CENPQ: variants seen among roughly 807,000 people sequenced by gnomAD.
CENPQ encodes the protein centromere protein Q.
In CENPQ, 27 loss-of-function variants were observed where a neutral mutation model predicts 36.6. The ratio of observed to expected loss-of-function variants is 0.74; its 90% CI spans 0.54 to 1.02. The LOEUF (loss-of-function observed/expected upper bound fraction) is 1.02. CENPQ is among the 50% of genes least tolerant of loss of function. The pLI, the probability that CENPQ is intolerant of heterozygous loss-of-function variation, is 0.00. For synonymous variants in CENPQ, 101 were observed against 101.7 expected (o/e 0.99, Z 0.04); for missense variants, 306 against 301.8 (o/e 1.01, Z -0.10).
chr6:49,477,970 G>T (rs1266074234), intron 5 of CENPQ, among the ~76,000 whole-genome samples: 3 of 152,176 alleles, frequency 2.0e-5, no homozygotes, highest in African/African-American at 7.2e-5. Flanking sequence ...TGTTCATAGT[G>T]ATCACCTTGG....
Position 49,492,667 on chromosome 6 carries a change from C to G in CENPQ, c.*392C>G. The G allele has an allele frequency of 6.5e-6, 1 of 153,326 alleles. No individual in the cohort carries two copies. Among genetic ancestry groups the G allele is most frequent in the Non-Finnish European group, 1.5e-5 (1 of 68,896 alleles). The allele number at this position is 153,326 out of a possible 1,614,324, so 9.5% of individuals were successfully genotyped here. A position where few individuals can be genotyped will look rare whatever the true frequency, so the allele number is the denominator to read the frequency against. ...TAGTGCATAAAAACCTTAGTGTTTG[C>G]TATCATTCATTCTGTAGCCAATGGC... On this transcript the variant is annotated 3_prime_UTR_variant, in exon 9 of 9. Transcript: ENST00000335783.
chr6:49,471,143 C>A, intron 3 of CENPQ, 115 bp downstream of exon 3: 1 of 535,046 alleles, frequency 1.9e-6, no homozygotes, highest in Non-Finnish European at 3.0e-6. Flanking sequence ...TAATAAACAA[C>A]TACATTTGCA....
intron 8 of CENPQ, among the ~76,000 whole-genome samples, chr6:49,490,587 C>T (rs770656203): frequency 2.0e-5 from 3 of 152,164 alleles, no homozygotes; most frequent in South Asian, 2.1e-4. Context: ...ACAACTTGGG[C>T]GTTTGGCACA....
rs1440264033 is a variant in CENPQ, at chr6:49,492,177, G to T, written c.709G>T (p.Ala237Ser). The T allele has an allele frequency of 6.2e-7, 1 of 1,605,234 alleles. No individual in the cohort carries two copies. The highest frequency in any genetic ancestry group is 1.7e-5 in the Admixed American group (1 of 58,430). The change falls in exon 9 of 9, where the codon GCT (alanine) becomes TCT (serine). Residue 237 changes from alanine (A) to serine (S), a missense_variant. By Grantham distance (99) the Ala-to-Ser change is moderately conservative (BLOSUM62 1). Transcript: ENST00000335783. ...EILALIPNQN[A>S]LLKDLDILHN... The stretch of plus-strand genomic sequence containing the variant: ...TTTGGCGCTAATTCCAAACCAGAAT[G>T]CTCTTCTAAAGGACTTGGATATTCT...
chr6:49,481,011 T>A lies in CENPQ; in HGVS notation c.408T>A (p.Asn136Lys). The A allele has an allele frequency of 6.2e-7, 1 of 1,610,358 alleles. No individual in the cohort carries two copies. Among genetic ancestry groups the A allele is most frequent in the East Asian group, 2.2e-5 (1 of 44,752 alleles). Residue 136 changes from asparagine to lysine, a missense_variant, in exon 6 of 9, where the codon AAT (asparagine) becomes AAA (lysine). By Grantham distance (94) the Asn-to-Lys change is moderately conservative (BLOSUM62 0). Transcript: ENST00000335783. ...VPPKKMEDLT[N>K]VSSLLNMERA... The stretch of plus-strand genomic sequence containing the variant: ...CCAAAAAGATGGAAGATTTAACTAA[T>A]GTATCAAGTCTACTGAATATGGAAA...
intron 1 of CENPQ, 55 bp from the exon 2 acceptor site, chr6:49,470,104 G>C: frequency 5.2e-6 from 4 of 772,218 alleles, no homozygotes; most frequent in Non-Finnish European, 8.3e-6. Context: ...ATTGTGCAAG[G>C]CTTTAGCTTT....
At chr6:49,468,907 C>T (rs1768065996) in intron 1 of CENPQ, among the ~76,000 whole-genome samples, 1 of 152,150 alleles carries the variant, frequency 6.6e-6, no homozygotes, top group Admixed American at 6.5e-5. Flanking sequence ...GAAATTCTGT[C>T]ATGTGGATGG....
intron 5 of CENPQ, among the ~76,000 whole-genome samples, chr6:49,480,625 G>A (rs1019772165): frequency 1.3e-5 from 2 of 150,692 alleles, no homozygotes; most frequent in Admixed American, 1.3e-4. Flanking sequence ...CTCATGTAGT[G>A]TAATAGTCTA....
chr6:49,474,507 C>T (rs1373231159), intron 5 of CENPQ, among the ~76,000 whole-genome samples: 2 of 152,116 alleles, frequency 1.3e-5, no homozygotes, highest in Admixed American at 6.5e-5. Flanking sequence ...CTCTGCGACA[C>T]ATTTAAAGCA....
Position 49,488,422 on chromosome 6 carries a change from T to C in CENPQ, c.548T>C (p.Ile183Thr), listed in dbSNP as rs1400919801. 1.9e-6 allele frequency: 3 copies of C among 1,613,100 alleles called. No individual in the cohort carries two copies. The East Asian group carries it at 6.7e-5, about 36-fold the overall frequency. The change falls in exon 7 of 9, where the codon ATT (isoleucine) becomes ACT (threonine). Residue 183 changes from isoleucine (I) to threonine (T), a missense_variant. By Grantham distance (89) the Ile-to-Thr change is moderately conservative (BLOSUM62 -1). Coordinates refer to ENST00000335783, the MANE Select transcript of CENPQ (RefSeq NM_018132.4). ...AATATTCAGAGCCTAAAGAACAAAA[T>C]TCAGATTCTGGCAAGTGAGGTGGAA... Reference protein sequence around the residue: ...TGNIQSLKNKIQILASEVEEE... With the variant: ...TGNIQSLKNKTQILASEVEEE...
At chr6:49,469,504 AT>A (rs1768077223) in intron 1 of CENPQ, among the ~76,000 whole-genome samples, 1 of 152,262 alleles carries the variant, frequency 6.6e-6, no homozygotes, top group South Asian at 2.1e-4. Context: ...ATTACTCTAA[AT>A]TTTATCAACA....
chr6:49,488,352 G>A lies in CENPQ; in HGVS notation c.478G>A (p.Glu160Lys). 6.3e-7 allele frequency: 1 copy of A among 1,593,140 alleles called. No individual in the cohort carries two copies. The highest frequency in any genetic ancestry group is 1.2e-5 in the South Asian group (1 of 86,796). The stretch of plus-strand genomic sequence containing the variant: ...TGTTTTTTTTCTCTTTCTGACTCAG[G>A]AAGAAATAGATAAAATGGTAGAGAC... The part of the protein sequence containing the change: ...ANEEGLALLQ[E>K]EIDKMVETTE... Residue 160 changes from glutamate to lysine, a missense_variant and splice_region_variant, in exon 7 of 9, where the codon GAA becomes AAA. Physicochemically the swap from Glu to Lys is moderately conservative, Grantham distance 56 (BLOSUM62 1). Transcript: ENST00000335783.
intron 8 of CENPQ, among the ~76,000 whole-genome samples, 179 bp from the exon 9 acceptor site, chr6:49,491,965 G>C (rs1768730080): frequency 6.6e-6 from 1 of 152,156 alleles, no homozygotes; most frequent in Non-Finnish European, 1.5e-5. Flanking sequence ...TACCAGTGGT[G>C]AAAGGAGCAG....
At chr6:49,477,364 G>T (rs1768320409) in intron 5 of CENPQ, among the ~76,000 whole-genome samples, 1 of 146,344 alleles carries the variant, frequency 6.8e-6, no homozygotes, top group Non-Finnish European at 1.5e-5. Flanking sequence ...GGTGTGAATT[G>T]AACAATGAGA....
At chr6:49,474,149 A>G (rs1412277269) in intron 5 of CENPQ, among the ~76,000 whole-genome samples, 1 of 152,224 alleles carries the variant, frequency 6.6e-6, no homozygotes, top group African/African-American at 2.4e-5. Flanking sequence ...AATTGAACTC[A>G]GCTCTGCACC....
chr6:49,487,404 G>A (rs1025387681), intron 6 of CENPQ, among the ~76,000 whole-genome samples: 2 of 133,972 alleles, frequency 1.5e-5, no homozygotes, highest in Admixed American at 9.0e-5. Flanking sequence ...TTCTTGAACT[G>A]TACAAAAACA....
chr6:49,464,832 C>G (rs187346057), intron 1 of CENPQ, among the ~76,000 whole-genome samples: 4 of 152,318 alleles, frequency 2.6e-5, no homozygotes, highest in Admixed American at 2.6e-4. Context: ...AAGTCTTGAA[C>G]AAAGTCATGA....
At chr6:49,467,708 T>C (rs938354598) in intron 1 of CENPQ, among the ~76,000 whole-genome samples, 2 of 152,126 alleles carry the variant, frequency 1.3e-5, no homozygotes, top group African/African-American at 2.4e-5. Flanking sequence ...TAATAAAGAA[T>C]ATCAAGAAGA....
Position 49,472,066 on chromosome 6 carries a change from A to G in CENPQ, c.161A>G (p.Gln54Arg), listed in dbSNP as rs1463088195. The change falls in exon 4 of 9, where the codon CAA becomes CGA. Residue 54 changes from glutamine (Q) to arginine (R), a missense_variant. Gln to Arg is a conservative substitution (Grantham distance 43). Transcript: ENST00000335783. The part of the protein sequence containing the change: ...NHLKDLSSEG[Q>R]TKHTNLKHGK... ...CCTCTTCTATTACTAACGACAGGACAAACAAAGCACACTAACCTAAAACAC... is the reference window on the plus strand; with the variant it reads ...CCTCTTCTATTACTAACGACAGGACGAACAAAGCACACTAACCTAAAACAC... 6.2e-7 allele frequency: 1 copy of G among 1,611,350 alleles called. No individual in the cohort carries two copies. The highest frequency in any genetic ancestry group is 8.5e-7 in the Non-Finnish European group (1 of 1,178,864).
Sources: allele counts gnomAD v4.1 joint callset (sites outside exome capture counted in the v4.1 genomes callset), GRCh38; gene constraint gnomAD v4.1.1; transcripts MANE v1.5; gene names NCBI Gene and HGNC (gene_info 2026-07-23, HGNC 2026-07-21).